Variants in DMD observed in about 807,000 individuals in gnomAD.
The protein encoded by DMD is mutant dystrophin.
Under a neutral mutation model 330.1 loss-of-function variants are expected in DMD, and 63 were observed. The observed-to-expected ratio is 0.19, with a 90% CI of 0.16 to 0.24. The LOEUF is 0.24. DMD is among the 10% of genes least tolerant of loss of function. The pLI, the probability that DMD is intolerant of heterozygous loss-of-function variation, is 1.00. For synonymous variants in DMD, 1,223 were observed against 959.8 expected, an observed-to-expected ratio of 1.27 and a Z score of -5.07; for missense variants, 3,344 against 2,684.1, an observed-to-expected ratio of 1.25 and a Z score of -5.43.
chrX:32,686,212 T>C (rs982893527), intron 9 of DMD, among the ~76,000 whole-genome samples: 5 of 111,606 alleles, frequency 4.5e-5, no homozygotes, highest in Non-Finnish European at 9.4e-5. Flanking sequence ...CAGAATTCTA[T>C]AGCAGGGATT....
chrX:32,710,554 ATACTC>A (rs2065095173), intron 7 of DMD, among the ~76,000 whole-genome samples: 1 of 111,641 alleles, frequency 9.0e-6, no homozygotes, highest in Admixed American at 9.6e-5. Flanking sequence ...CAGATTGAAA[ATACTC>A]AAGACACAGG....
At position 31,511,223 on chromosome X, in the gene DMD, G is replaced by T. The variant is rs1279871152; in HGVS notation, c.8218-3770C>A. ...TTGGGAATGCAGGGCAGGCTGCAAG[G>T]AATATACATTATACATAATATAATA... On this transcript the variant is annotated intron_variant, in intron 55 of 78. Coordinates refer to ENST00000357033, the MANE Select transcript of DMD (RefSeq NM_004006.3). Among the ~76,000 whole-genome samples, 4 of 75,716 alleles carry T rather than the reference G, an allele frequency of 5.3e-5. No homozygotes were observed. In the East Asian group the frequency reaches 1.3e-3, roughly 24 times the overall value. The allele number at this position is 75,716 out of a possible 115,157, so 65.8% of individuals were successfully genotyped here.
intron 3 of DMD, among the ~76,000 whole-genome samples, chrX:32,845,688 G>T (rs1306660079): frequency 4.5e-5 from 5 of 111,431 alleles, no homozygotes; most frequent in African/African-American, 1.6e-4. Context: ...TAAACATTTG[G>T]GTGATTATAG....
intron 51 of DMD, among the ~76,000 whole-genome samples, chrX:31,730,259 C>T (rs990870706): frequency 8.9e-6 from 1 of 111,895 alleles, no homozygotes; most frequent in Non-Finnish European, 1.9e-5. Context: ...GCTAAATCAG[C>T]TTTTCTCCTA....
At chrX:31,319,467 C>T (rs1425200839) in intron 62 of DMD, among the ~76,000 whole-genome samples, 5 of 112,043 alleles carry the variant, frequency 4.5e-5, no homozygotes, top group African/African-American at 9.7e-5. Context: ...ATATAGAAGT[C>T]GGTACATTTA....
At chrX:32,461,753 C>T (rs1162747905) in intron 25 of DMD, among the ~76,000 whole-genome samples, 1 of 109,911 alleles carries the variant, frequency 9.1e-6, no homozygotes, top group Non-Finnish European at 1.9e-5. Flanking sequence ...AAACAAATAC[C>T]TTTCACACTG....
chrX:32,027,035 C>T (rs1385220129), intron 44 of DMD, among the ~76,000 whole-genome samples: 2 of 110,787 alleles, frequency 1.8e-5, no homozygotes, highest in African/African-American at 6.6e-5. Context: ...TGGCTTGCAG[C>T]TGGATCCTAG....
intron 50 of DMD, among the ~76,000 whole-genome samples, chrX:31,804,040 G>A (rs755817997): frequency 1.8e-5 from 2 of 110,899 alleles, no homozygotes; most frequent in East Asian, 5.7e-4. Flanking sequence ...CAGCCTAGAT[G>A]TTTAGGTGTT....
At chrX:32,499,181 T>A (rs1039758311) in intron 19 of DMD, among the ~76,000 whole-genome samples, 3 of 112,062 alleles carry the variant, frequency 2.7e-5, no homozygotes, top group African/African-American at 9.7e-5. Context: ...TCTAAATTTT[T>A]AAAAAGTAGT....
intron 42 of DMD, among the ~76,000 whole-genome samples, chrX:32,306,112 TG>T (rs2097539350): frequency 9.1e-6 from 1 of 110,381 alleles, no homozygotes; most frequent in Admixed American, 9.7e-5. Context: ...CATTTTTCTT[TG>T]TTTGCTTGCT....
At chrX:32,670,762 G>A (rs2061583096) in intron 9 of DMD, among the ~76,000 whole-genome samples, 1 of 112,179 alleles carries the variant, frequency 8.9e-6, no homozygotes, top group Non-Finnish European at 1.9e-5. Flanking sequence ...AGATTCATCA[G>A]TGCAACCTGT....
Position 32,787,130 on chromosome X carries a change from G to T in DMD, c.649+22363C>A, listed in dbSNP as rs2075419345. On this transcript the variant is annotated intron_variant, in intron 7 of 78. Transcript: ENST00000357033. ...CTTACAAATACTATGACAATTATAAGGTACTATCATGAACCAGCCTTCAGG... is the reference window on the plus strand; with the variant it reads ...CTTACAAATACTATGACAATTATAATGTACTATCATGAACCAGCCTTCAGG... 2.7e-5 allele frequency among the ~76,000 whole-genome samples: 3 copies of T among 109,440 alleles called. No homozygotes were observed. The Admixed American group carries it at 3.0e-4, about 11-fold the overall frequency.
At chrX:32,428,616 A>AT (rs950201366) in intron 29 of DMD, among the ~76,000 whole-genome samples, 8 of 110,624 alleles carry the variant, frequency 7.2e-5, no homozygotes, top group African/African-American at 2.3e-4. Context: ...TATGTACGAG[A>AT]TTTTTTTGTT....
At chrX:33,320,817 C>T (rs2054004389) in intron 1 of DMD, among the ~76,000 whole-genome samples, 1 of 112,506 alleles carries the variant, frequency 8.9e-6, no homozygotes, top group Admixed American at 9.4e-5. Context: ...ACTTTATCAG[C>T]TAAGTATGTG....
intron 41 of DMD, among the ~76,000 whole-genome samples, chrX:32,324,291 A>G (rs1226693234): frequency 8.9e-6 from 1 of 111,734 alleles, no homozygotes. Context: ...TAAGTTAAAA[A>G]GACAAAATTA....
At chrX:32,762,106 G>A (rs1455284422) in intron 7 of DMD, among the ~76,000 whole-genome samples, 1 of 105,907 alleles carries the variant, frequency 9.4e-6, no homozygotes, top group African/African-American at 3.5e-5. Flanking sequence ...AGGCCAGATC[G>A]TACCACTGCA....
intron 43 of DMD, among the ~76,000 whole-genome samples, chrX:32,231,311 T>C (rs2097168420): frequency 8.9e-6 from 1 of 112,345 alleles, no homozygotes; most frequent in African/African-American, 3.2e-5. Context: ...CGTGTTATCT[T>C]CCCAAAAGTA....
chrX:32,564,771 C>A (rs759016622), intron 16 of DMD, among the ~76,000 whole-genome samples: 1 of 111,466 alleles, frequency 9.0e-6, no homozygotes, highest in East Asian at 2.8e-4. Context: ...CTTCATGTCT[C>A]CAAAAGGCAT....
At chrX:31,380,219 AG>A (rs1342646497) in intron 60 of DMD, among the ~76,000 whole-genome samples, 2 of 110,623 alleles carry the variant, frequency 1.8e-5, no homozygotes, top group African/African-American at 6.6e-5. Flanking sequence ...TACTCTTTTA[AG>A]CACTCCTTTT....
Sources: gnomAD v4.1 joint callset for allele counts (sites outside exome capture counted in the v4.1 genomes callset) on GRCh38, gnomAD v4.1.1 for gene constraint, MANE v1.5 for transcripts, NCBI Gene and HGNC (gene_info 2026-07-23, HGNC 2026-07-21) for gene names.